PJA2: variants seen among roughly 807,000 people sequenced by gnomAD.
PJA2 encodes praja ring finger ubiquitin ligase 2.
Under a neutral mutation model 69.3 loss-of-function variants are expected in PJA2, and 25 were observed. That is an observed-to-expected ratio of 0.36 (90% CI 0.26 to 0.50). PJA2 has a LOEUF of 0.50. Among genes scored for constraint, PJA2 ranks in the 20% least tolerant of loss-of-function variants. PJA2 has a pLI of 0.96. For synonymous variants in PJA2, 308 were observed against 277.8 expected (o/e 1.11, Z -1.08); for missense variants, 809 against 830.2 (o/e 0.97, Z 0.31).
intron 1 of PJA2, among the ~76,000 whole-genome samples, chr5:109,391,549 T>C (rs1747282881): frequency 6.6e-6 from 1 of 152,028 alleles, no homozygotes; most frequent in African/African-American, 2.4e-5. Flanking sequence ...GCTTCCACAG[T>C]TTCCATTAAG....
intron 1 of PJA2, among the ~76,000 whole-genome samples, chr5:109,395,985 A>G (rs1043472038): frequency 6.8e-6 from 1 of 147,208 alleles, no homozygotes. Flanking sequence ...GGGCAAGAAG[A>G]GCGAAACTCT....
At chr5:109,400,295 A>G (rs1026798538) in intron 1 of PJA2, among the ~76,000 whole-genome samples, 3 of 151,916 alleles carry the variant, frequency 2.0e-5, no homozygotes, top group African/African-American at 7.3e-5. Context: ...TCTCAAAAAA[A>G]AAAAAAGAAA....
intron 7 of PJA2, among the ~76,000 whole-genome samples, chr5:109,349,072 A>G (rs1475871172): frequency 6.6e-6 from 1 of 152,232 alleles, no homozygotes; most frequent in Non-Finnish European, 1.5e-5. Flanking sequence ...CCATCTGCTC[A>G]TTCTGGGAAA....
chr5:109,407,199 A>C (rs1192625591), intron 1 of PJA2, among the ~76,000 whole-genome samples: 1 of 152,200 alleles, frequency 6.6e-6, no homozygotes, highest in Non-Finnish European at 1.5e-5. Context: ...ATTTTACTGT[A>C]TCTAAGTTAT....
chr5:109,362,746 T>C lies in PJA2; in HGVS notation c.1652+94A>G. On this transcript the variant is annotated intron_variant, in intron 6 of 9. Transcript: ENST00000361189. ...GGAGGACTAACAGATGGGAAAATTA[T>C]AATATTTCTCAGCTAGCAGAGATTT... 3.2e-6 allele frequency: 4 copies of C among 1,260,914 alleles called. No individual in the cohort carries two copies. The Admixed American group carries it at 9.5e-5, about 30-fold the overall frequency. 78.1% of individuals were successfully genotyped at this position (1,260,914 alleles called of 1,614,324 possible).
chr5:109,342,453 C>T (rs1762087956), intron 9 of PJA2, among the ~76,000 whole-genome samples: 2 of 138,284 alleles, frequency 1.4e-5, no homozygotes, highest in Admixed American at 6.8e-5. Context: ...CCCGGCCAGC[C>T]GCCCCGTCCG....
intron 7 of PJA2, among the ~76,000 whole-genome samples, chr5:109,347,073 GA>G (rs1162573275): frequency 6.6e-6 from 1 of 152,034 alleles, no homozygotes; most frequent in Non-Finnish European, 1.5e-5. Flanking sequence ...GCAAAATCAG[GA>G]CTAAAAAAGG....
At chr5:109,371,988 C>T (rs1440077232) in intron 4 of PJA2, among the ~76,000 whole-genome samples, 1 of 152,184 alleles carries the variant, frequency 6.6e-6, no homozygotes, top group Non-Finnish European at 1.5e-5. Context: ...AACATTTTCA[C>T]AATGCCTGAT....
At chr5:109,369,533 G>A (rs895277169) in intron 4 of PJA2, among the ~76,000 whole-genome samples, 2 of 152,124 alleles carry the variant, frequency 1.3e-5, no homozygotes, top group Non-Finnish European at 2.9e-5. Context: ...TATCTAACAT[G>A]ACTAAAACAA....
intron 1 of PJA2, among the ~76,000 whole-genome samples, chr5:109,408,938 T>C (rs1404241825): frequency 6.6e-6 from 1 of 152,160 alleles, no homozygotes; most frequent in Non-Finnish European, 1.5e-5. Context: ...ACATTAAGCC[T>C]GCAATGAAAA....
intron 3 of PJA2, among the ~76,000 whole-genome samples, chr5:109,380,971 T>C (rs1398588450): frequency 6.6e-6 from 1 of 151,692 alleles, no homozygotes; most frequent in Non-Finnish European, 1.5e-5. Flanking sequence ...AAAAATTAGC[T>C]GGGTGCAGTG....
rs1489252806 is a variant in PJA2 at position 109,334,861 on chromosome 5, AACAAATACATAAATCCAGATC to A, written c.*2349_*2369del. On this transcript the variant is annotated 3_prime_UTR_variant, in exon 10 of 10. Coordinates refer to ENST00000361189, the MANE Select transcript of PJA2 (RefSeq NM_014819.5). ...CCATTTTAACAATTCGTATGTATCTAACAAATACATAAATCCAGATCACAAATAATCTTAAGAGTTAAACAA... is the reference window on the plus strand; with the variant it reads ...CCATTTTAACAATTCGTATGTATCTAACAAATAATCTTAAGAGTTAAACAA... 1 of 152,644 alleles carries A rather than the reference AACAAATACATAAATCCAGATC, an allele frequency of 6.6e-6. No homozygotes were observed. Among genetic ancestry groups the A allele is most frequent in the Non-Finnish European group, 1.5e-5 (1 of 68,042 alleles). The allele number at this position is 152,644 out of a possible 1,614,324, so 9.5% of individuals were successfully genotyped here. A position where few individuals can be genotyped will look rare whatever the true frequency, so the allele number is the denominator to read the frequency against.
chr5:109,376,379 G>T (rs1337977833), intron 4 of PJA2, among the ~76,000 whole-genome samples: 1 of 151,624 alleles, frequency 6.6e-6, no homozygotes, highest in East Asian at 1.9e-4. Flanking sequence ...AAAGTCCAGG[G>T]TCCTTCAAGG....
chr5:109,370,993 C>G (rs574676142), intron 4 of PJA2, among the ~76,000 whole-genome samples: 116 of 152,242 alleles, frequency 7.6e-4, no homozygotes, highest in African/African-American at 2.8e-3. Flanking sequence ...ATCAAGAAGC[C>G]TATGTTATGG....
chr5:109,397,497 A>G (rs560533672), intron 1 of PJA2, among the ~76,000 whole-genome samples: 4 of 146,704 alleles, frequency 2.7e-5, no homozygotes, highest in South Asian at 2.1e-4. Flanking sequence ...CTCCTAGTAG[A>G]AAAAAAAAAA....
At chr5:109,374,988 T>C (rs1430085021) in intron 4 of PJA2, among the ~76,000 whole-genome samples, 1 of 152,136 alleles carries the variant, frequency 6.6e-6, no homozygotes, top group Non-Finnish European at 1.5e-5. Context: ...CTATTAAAAT[T>C]CCCCTTGGAA....
Position 109,389,174 on chromosome 5 carries a change from T to A in PJA2, c.-87-5654A>T, listed in dbSNP as rs529820568. Among the ~76,000 whole-genome samples the A allele has an allele frequency of 3.3e-5, 5 of 152,284 alleles. No homozygotes were observed. In the South Asian group the frequency reaches 8.3e-4, roughly 25 times the overall value. On this transcript the variant is annotated intron_variant, in intron 1 of 9. Transcript: ENST00000361189. ...ATACTAAAGTCATAAAATATGCAAA[T>A]AAATCTTTCTATCTTCTTCTTGTTC...
chr5:109,390,464 A>G (rs1385899129), intron 1 of PJA2, among the ~76,000 whole-genome samples: 1 of 151,780 alleles, frequency 6.6e-6, no homozygotes, highest in East Asian at 1.9e-4. Flanking sequence ...CTGTGCCTTT[A>G]CTTGTAAAGT....
chr5:109,382,832 T>C (rs1324320029), intron 2 of PJA2, among the ~76,000 whole-genome samples: 3 of 150,406 alleles, frequency 2.0e-5, no homozygotes, highest in Non-Finnish European at 4.4e-5. Flanking sequence ...TGGGTGACAG[T>C]TCGAAACTCC....
Sources: allele counts gnomAD v4.1 joint callset (sites outside exome capture counted in the v4.1 genomes callset), GRCh38; gene constraint gnomAD v4.1.1; transcripts MANE v1.5; gene names NCBI Gene and HGNC (gene_info 2026-07-23, HGNC 2026-07-21).